Variants in SMC5 observed in about 807,000 individuals in gnomAD.
SMC5 encodes structural maintenance of chromosomes 5.
Under a neutral mutation model 148.3 loss-of-function variants are expected in SMC5, and 88 were observed. The ratio of observed to expected loss-of-function variants is 0.59; its 90% CI spans 0.50 to 0.71. The LOEUF (loss-of-function observed/expected upper bound fraction) is 0.71, where lower values mean the gene tolerates loss of function less well. Ranked by LOEUF, SMC5 falls within the 30% of genes least tolerant of loss-of-function variation. The pLI is 0.00. For missense variants in SMC5, 1,142 were observed against 1,298.9 expected (o/e 0.88, Z 1.86); for synonymous variants, 421 against 432.8 (o/e 0.97, Z 0.34).
Position 70,350,204 on chromosome 9 carries a change from G to GT in SMC5, c.2980_2981insT (p.Gly994ValfsTer2). ...ATTAACTCCTCATCATCAAAGTGGAGGTGAAAGAAGTGTTTCTACCATGTT... is the reference window on the plus strand; with the variant it reads ...ATTAACTCCTCATCATCAAAGTGGAGTGTGAAAGAAGTGTTTCTACCATGTT... On this transcript the variant is annotated frameshift_variant, in exon 23 of 25. Coordinates refer to ENST00000361138, the MANE Select transcript of SMC5 (RefSeq NM_015110.4). LOFTEE classifies it high-confidence loss of function. The GT allele has an allele frequency of 6.2e-7, 1 of 1,613,598 alleles. No individual in the cohort carries two copies. The highest frequency in any genetic ancestry group is 8.5e-7 in the Non-Finnish European group (1 of 1,179,736).
intron 7 of SMC5, among the ~76,000 whole-genome samples, chr9:70,285,933 G>A (rs1300203047): frequency 6.6e-6 from 1 of 152,124 alleles, no homozygotes. Context: ...CTGTAGGGTT[G>A]TTTTTAGGAT....
At chr9:70,284,572 C>T (rs897296851) in intron 7 of SMC5, among the ~76,000 whole-genome samples, 1 of 152,122 alleles carries the variant, frequency 6.6e-6, no homozygotes, top group Non-Finnish European at 1.5e-5. Context: ...AATTTGAGAT[C>T]TCTTAATTAA....
chr9:70,288,285 G>C (rs533878604), intron 8 of SMC5, among the ~76,000 whole-genome samples: 2 of 152,108 alleles, frequency 1.3e-5, no homozygotes, highest in South Asian at 4.2e-4. Flanking sequence ...TTTGTTTTCA[G>C]GCTTATGCAG....
At position 70,289,151 on chromosome 9, in the gene SMC5, C is replaced by T. The variant is rs1300184719; in HGVS notation, c.1053+2880C>T. Reference sequence around the variant, plus strand: ...CTCCCCGGTTCAAGCGATTCTCCTGCCTGAGTCTCCCAAGTAGCTGGGACT... The same window carrying T: ...CTCCCCGGTTCAAGCGATTCTCCTGTCTGAGTCTCCCAAGTAGCTGGGACT... On this transcript the variant is annotated intron_variant, in intron 8 of 24. Coordinates refer to ENST00000361138, the MANE Select transcript of SMC5 (RefSeq NM_015110.4). 3.9e-5 allele frequency among the ~76,000 whole-genome samples: 6 copies of T among 152,066 alleles called. No homozygotes were observed. The East Asian group carries it at 9.6e-4, about 24-fold the overall frequency.
chr9:70,313,007 A>G (rs1273350202), intron 11 of SMC5, among the ~76,000 whole-genome samples: 1 of 152,190 alleles, frequency 6.6e-6, no homozygotes, highest in African/African-American at 2.4e-5. Flanking sequence ...TTATCAGTGA[A>G]AACATCTTAG....
In SMC5 at chr9:70,323,563, T is replaced by G; in HGVS notation, c.2231T>G (p.Val744Gly). 1 of 1,612,490 alleles carries G rather than the reference T, an allele frequency of 6.2e-7. No individual in the cohort carries two copies. Among genetic ancestry groups the G allele is most frequent in the Non-Finnish European group, 8.5e-7 (1 of 1,179,376 alleles). The change falls in exon 16 of 25, where the codon GTT becomes GGT. Residue 744 changes from valine to glycine, a missense_variant. Around this residue, in one of 5 missense-constraint regions of SMC5, gnomAD observed 743 missense variants for 835.7 expected, o/e 0.89. Coordinates refer to ENST00000361138, the MANE Select transcript of SMC5 (RefSeq NM_015110.4). Reference sequence around the variant, plus strand: ...AGTACCAAAATCAAAGAAATAAATGTTCAAAAAGCGAAACTTGTTACCGAA... The same window carrying G: ...AGTACCAAAATCAAAGAAATAAATGGTCAAAAAGCGAAACTTGTTACCGAA... ...KASTKIKEIN[V>G]QKAKLVTELT... is the part of the protein sequence containing the mutation.
chr9:70,298,693 A>C (rs1484107275), intron 9 of SMC5, among the ~76,000 whole-genome samples: 1 of 151,824 alleles, frequency 6.6e-6, no homozygotes, highest in Non-Finnish European at 1.5e-5. Context: ...AGTTTAAAAA[A>C]ATTTTATATG....
chr9:70,332,914 G>T (rs1295344261), intron 17 of SMC5, among the ~76,000 whole-genome samples: 2 of 151,988 alleles, frequency 1.3e-5, no homozygotes, highest in East Asian at 3.9e-4. Context: ...TTGCAACTGG[G>T]AATCGAAGGA....
At chr9:70,334,048 C>A (rs991579490) in intron 17 of SMC5, among the ~76,000 whole-genome samples, 4 of 151,496 alleles carry the variant, frequency 2.6e-5, no homozygotes, top group Non-Finnish European at 5.9e-5. Flanking sequence ...GACATTGTAT[C>A]TGTATAAAAG....
In SMC5 at chr9:70,280,769, A is replaced by T; in HGVS notation, c.689A>T (p.Lys230Ile). The T allele has an allele frequency of 6.2e-7, 1 of 1,612,228 alleles. No homozygotes were observed. The highest frequency in any genetic ancestry group is 8.5e-7 in the Non-Finnish European group (1 of 1,179,522). The stretch of plus-strand genomic sequence containing the variant: ...ATATATTTATTGTAGACCTCATGCA[A>T]AGAGAAAACTGAGTATCTACAGAAA... ...EKEKQLETSC[K>I]EKTEYLQKMV... is the part of the protein sequence containing the mutation. Residue 230 changes from lysine to isoleucine, a missense_variant, in exon 6 of 25, where the codon AAA becomes ATA. Lys to Ile is a moderately radical substitution (Grantham distance 102). Around this residue, in one of 5 missense-constraint regions of SMC5, gnomAD observed 297 missense variants for 302.6 expected, o/e 0.98. Coordinates refer to ENST00000361138, the MANE Select transcript of SMC5 (RefSeq NM_015110.4).
rs1025377005 is a variant in SMC5, at chr9:70,285,081, T to A, written c.982-1119T>A. Among the ~76,000 whole-genome samples the A allele has an allele frequency of 2.0e-5, 3 of 152,180 alleles. No individual in the cohort carries two copies. The South Asian group carries it at 6.2e-4, about 32-fold the overall frequency. On this transcript the variant is annotated intron_variant, in intron 7 of 24. Coordinates refer to ENST00000361138, the MANE Select transcript of SMC5 (RefSeq NM_015110.4). ...TAATCTTTATCTTACATGATTAGCA[T>A]GTATGATTTAAGCATACATACATCA...
chr9:70,313,778 G>A (rs2035723005), intron 11 of SMC5, among the ~76,000 whole-genome samples: 1 of 152,140 alleles, frequency 6.6e-6, no homozygotes, highest in African/African-American at 2.4e-5. Context: ...GCGATTACAG[G>A]TGTAAGCCAC....
intron 17 of SMC5, among the ~76,000 whole-genome samples, chr9:70,337,529 C>G (rs538498277): frequency 6.2e-4 from 92 of 148,156 alleles, no homozygotes; most frequent in South Asian, 1.3e-3. Flanking sequence ...AATCTCAGCT[C>G]ACTGCAACCT....
chr9:70,330,548 CTTT>C (rs71505381), intron 17 of SMC5, among the ~76,000 whole-genome samples: 1 of 128,874 alleles, frequency 7.8e-6, no homozygotes, highest in African/African-American at 2.8e-5. Flanking sequence ...ATGTAACTTT[CTTT>C]TTTTTTTTTT....
At chr9:70,325,058 T>A (rs1343685686) in intron 17 of SMC5, among the ~76,000 whole-genome samples, 3 of 152,220 alleles carry the variant, frequency 2.0e-5, no homozygotes, top group African/African-American at 7.2e-5. Context: ...AATCATTGGC[T>A]ATGTGGTTGA....
At chr9:70,351,033 C>T (rs1398572722) in intron 24 of SMC5, among the ~76,000 whole-genome samples, 1 of 151,930 alleles carries the variant, frequency 6.6e-6, no homozygotes, top group African/African-American at 2.4e-5. Flanking sequence ...TTAATGTAAC[C>T]AGATTTTTTC....
At chr9:70,304,636 G>C (rs1301553962) in intron 10 of SMC5, among the ~76,000 whole-genome samples, 2 of 152,164 alleles carry the variant, frequency 1.3e-5, no homozygotes, top group East Asian at 3.9e-4. Context: ...GCAGTGAGCT[G>C]AGATCGTGCC....
chr9:70,324,367 AACACAGAAAT>A (rs1439891522), intron 17 of SMC5, among the ~76,000 whole-genome samples: 1 of 152,194 alleles, frequency 6.6e-6, no homozygotes, highest in Non-Finnish European at 1.5e-5. Flanking sequence ...TGAAATGATA[AACACAGAAAT>A]ACTGGGTGGA....
chr9:70,347,766 G>A, intron 21 of SMC5, 49 bp downstream of exon 21: 1 of 1,305,474 alleles, frequency 7.7e-7, no homozygotes, highest in Non-Finnish European at 1.1e-6. Flanking sequence ...TTAATGAAAT[G>A]GGAATGTAGA....
Sources: allele counts gnomAD v4.1 joint callset (sites outside exome capture counted in the v4.1 genomes callset), GRCh38; gene constraint gnomAD v4.1.1; regional missense constraint gnomAD v4.1.1; transcripts MANE v1.5; gene names NCBI Gene and HGNC (gene_info 2026-07-23, HGNC 2026-07-21).